The following PARD3B variants were observed in gnomAD, a reference collection of about 807,000 sequenced individuals.
The protein encoded by PARD3B is partitioning defective 3 homolog B.
PARD3B carries 103 observed loss-of-function variants against 130.2 expected under a neutral mutation model. That is an observed-to-expected ratio of 0.79 (90% confidence interval 0.67 to 0.93). The LOEUF (loss-of-function observed/expected upper bound fraction) is 0.93, where lower values mean the gene tolerates loss of function less well. PARD3B is among the 40% of genes least tolerant of loss of function. The pLI, the probability that PARD3B is intolerant of heterozygous loss-of-function variation, is 0.00. For synonymous variants in PARD3B, 583 were observed against 553.2 expected (o/e 1.05, Z -0.76); for missense variants, 1,609 against 1,499.2 (o/e 1.07, Z -1.21).
At chr2:205,512,148 G>A (rs192585872) in intron 21 of PARD3B, among the ~76,000 whole-genome samples, 6 of 152,258 alleles carry the variant, frequency 3.9e-5, no homozygotes, top group Non-Finnish European at 5.9e-5. Context: ...GAATACGATT[G>A]TAACGACACA....
chr2:205,144,824 T>C (rs1447710563), intron 10 of PARD3B, among the ~76,000 whole-genome samples: 1 of 152,162 alleles, frequency 6.6e-6, no homozygotes, highest in Non-Finnish European at 1.5e-5. Context: ...GGAATCACAT[T>C]AGATGCAATT....
intron 10 of PARD3B, among the ~76,000 whole-genome samples, chr2:205,151,346 A>G (rs750339823): frequency 6.6e-6 from 1 of 152,112 alleles, no homozygotes; most frequent in Non-Finnish European, 1.5e-5. Context: ...TGATCTGTCT[A>G]GTGTTGACAG....
Position 205,301,520 on chromosome 2 carries a change from G to A in PARD3B, c.2449G>A (p.Ala817Thr). The change falls in exon 18 of 23, where the codon GCC becomes ACC. Residue 817 changes from alanine to threonine, a missense_variant. Physicochemically the swap from Ala to Thr is moderately conservative, Grantham distance 58. Coordinates refer to ENST00000406610, the MANE Select transcript of PARD3B (RefSeq NM_001302769.2). This position sits in a 1 kb window ranked among gnomAD's most constrained non-coding sequence, Gnocchi z 5.2. ...CCAAGGAGCTCTGAATTGTGAGTCT[G>A]CCCCTCAGGGGAATTCGGAGCTAGA... The part of the protein sequence containing the change: ...SGQGALNCES[A>T]PQGNSELEDM... 6.2e-7 allele frequency: 1 copy of A among 1,614,032 alleles called. No individual in the cohort carries two copies. The highest frequency in any genetic ancestry group is 1.1e-5 in the South Asian group (1 of 91,078).
intron 1 of PARD3B, among the ~76,000 whole-genome samples, chr2:204,648,547 A>C (rs1224347077): frequency 7.3e-6 from 1 of 137,282 alleles, no homozygotes; most frequent in Non-Finnish European, 1.5e-5. Flanking sequence ...TAATATATAA[A>C]GCTTTAAAAT....
chr2:204,791,374 C>A (rs537419959), intron 2 of PARD3B, among the ~76,000 whole-genome samples: 2 of 152,164 alleles, frequency 1.3e-5, no homozygotes, highest in Non-Finnish European at 2.9e-5. Context: ...CATATTATAT[C>A]ATTCCCCTCA....
At chr2:205,047,217 G>A (rs559505382) in intron 3 of PARD3B, among the ~76,000 whole-genome samples, 1 of 152,292 alleles carries the variant, frequency 6.6e-6, no homozygotes, top group South Asian at 2.1e-4. Context: ...TACACTGACT[G>A]TGTGAATCCC....
At chr2:205,545,518 G>C (rs1048712744) in intron 21 of PARD3B, among the ~76,000 whole-genome samples, 1 of 152,150 alleles carries the variant, frequency 6.6e-6, no homozygotes, top group Admixed American at 6.6e-5. Flanking sequence ...CTTATGATGT[G>C]TCTGGCAGCA....
chr2:204,979,969 A>C (rs998134858), intron 3 of PARD3B, among the ~76,000 whole-genome samples: 1 of 152,200 alleles, frequency 6.6e-6, no homozygotes, highest in African/African-American at 2.4e-5. Flanking sequence ...AGTGATAGCC[A>C]TGGGAAAAAT....
chr2:205,432,561 T>A (rs2047375402), intron 19 of PARD3B, among the ~76,000 whole-genome samples: 1 of 152,218 alleles, frequency 6.6e-6, no homozygotes, highest in South Asian at 2.1e-4. Context: ...TGGAACACTC[T>A]TCTCCTGTTA....
chr2:205,482,895 CT>C (rs963985966), intron 20 of PARD3B, among the ~76,000 whole-genome samples: 1 of 151,408 alleles, frequency 6.6e-6, no homozygotes, highest in African/African-American at 2.4e-5. Flanking sequence ...TGTTTTATTT[CT>C]TTTTTTTTAA....
At chr2:205,375,236 C>T (rs969519293) in intron 18 of PARD3B, among the ~76,000 whole-genome samples, 5 of 152,096 alleles carry the variant, frequency 3.3e-5, no homozygotes, top group Non-Finnish European at 4.4e-5. Context: ...AATTATTTAA[C>T]GTGCATAAAG....
rs1156918842 is a variant in PARD3B, at chr2:205,281,611, TTGTACAAAA to T, written c.2186-18917_2186-18909del. Among the ~76,000 whole-genome samples, 4 of 152,238 alleles carry T rather than the reference TTGTACAAAA, an allele frequency of 2.6e-5. No individual in the cohort carries two copies. Among genetic ancestry groups the T allele is most frequent in the Admixed American group, 1.3e-4 (2 of 15,282 alleles). On this transcript the variant is annotated intron_variant, in intron 16 of 22. Transcript: ENST00000406610. The surrounding 1 kb of genome is among the most constrained non-coding windows in gnomAD (Gnocchi z 4.2). ...TACATGCCTCACATCATAGACTGAT[TTGTACAAAA>T]TATAGTAAAAACTTTCCAGAATGTC... is the stretch of plus-strand genomic sequence containing the variant.
At chr2:204,760,692 T>C (rs898891211) in intron 2 of PARD3B, among the ~76,000 whole-genome samples, 7 of 152,172 alleles carry the variant, frequency 4.6e-5, no homozygotes, top group African/African-American at 1.7e-4. Context: ...TGTGGAAAGC[T>C]CTATGTTCTT....
At chr2:205,398,051 C>T (rs2046092537) in intron 18 of PARD3B, among the ~76,000 whole-genome samples, 1 of 152,124 alleles carries the variant, frequency 6.6e-6, no homozygotes, top group Admixed American at 6.5e-5. Context: ...GTAATCCCAA[C>T]ACTTTGGGAG....
chr2:204,667,444 T>A (rs542729543), intron 1 of PARD3B, among the ~76,000 whole-genome samples: 1 of 152,326 alleles, frequency 6.6e-6, no homozygotes, highest in Non-Finnish European at 1.5e-5. Flanking sequence ...AATGTGTATG[T>A]CCTAGGTCTG....
intron 16 of PARD3B, among the ~76,000 whole-genome samples, chr2:205,256,620 G>T (rs1038984610): frequency 6.6e-6 from 1 of 152,060 alleles, no homozygotes; most frequent in Non-Finnish European, 1.5e-5. Context: ...TACTATTTAG[G>T]TAACAAATAA....
chr2:205,592,433 A>ATCCACTAAT lies in PARD3B; in HGVS notation c.3261-23022_3261-23014dup, dbSNP rs1214381043. Among the ~76,000 whole-genome samples the ATCCACTAAT allele has an allele frequency of 6.6e-6, 1 of 152,196 alleles. No homozygotes were observed. Among genetic ancestry groups the ATCCACTAAT allele is most frequent in the Non-Finnish European group, 1.5e-5 (1 of 68,032 alleles). On this transcript the variant is annotated intron_variant, in intron 22 of 22. Transcript: ENST00000406610. The surrounding 1 kb of genome is among the most constrained non-coding windows in gnomAD (Gnocchi z 4.5). ...CCCACAACAGGAATCTCCAGCGAAC[A>ATCCACTAAT]TCCACTAATAAACTTTATATTGGGT...
At chr2:205,038,464 A>T (rs1261883380) in intron 3 of PARD3B, among the ~76,000 whole-genome samples, 1 of 152,136 alleles carries the variant, frequency 6.6e-6, no homozygotes, top group Non-Finnish European at 1.5e-5. Context: ...GCATGAGCAA[A>T]TTTATATTGT....
rs746096591 is a variant in PARD3B, at chr2:204,678,045, G to A, written c.121-8136G>A. On this transcript the variant is annotated intron_variant, in intron 1 of 22. Transcript: ENST00000406610. The surrounding 1 kb of genome is among the most constrained non-coding windows in gnomAD (Gnocchi z 4.2). ...TCATTTTTATGTAAATACCTTGGAA[G>A]TATATCACACGTGCAGAAAAGTACA... is the stretch of plus-strand genomic sequence containing the variant. 9.8e-4 allele frequency among the ~76,000 whole-genome samples: 150 copies of A among 152,330 alleles called. 1 individual carries two copies. Among genetic ancestry groups the A allele is most frequent in the Middle Eastern group, 3.4e-3 (1 of 294 alleles).
Sources: allele counts gnomAD v4.1 joint callset (sites outside exome capture counted in the v4.1 genomes callset), GRCh38; gene constraint gnomAD v4.1.1; non-coding constraint Gnocchi (gnomAD v3.1); transcripts MANE v1.5; gene names NCBI Gene and HGNC (gene_info 2026-07-23, HGNC 2026-07-21).